MYH11: variants seen among roughly 807,000 people sequenced by gnomAD.
The protein encoded by MYH11 is myosin-11.
A neutral mutation model predicts 246.6 loss-of-function variants in MYH11; 80 were observed. That is an observed-to-expected ratio of 0.32 (90% CI 0.27 to 0.39). The LOEUF is 0.39. MYH11 is among the 10% of genes least tolerant of loss of function. The pLI is 1.00. For missense variants in MYH11, 2,158 were observed against 2,546.8 expected (o/e 0.85, Z 3.29); for synonymous variants, 1,071 against 1,015.5 (o/e 1.05, Z -1.04).
At chr16:15,716,525 T>G (rs2040155515) in intron 38 of MYH11, among the ~76,000 whole-genome samples, 1 of 148,388 alleles carries the variant, frequency 6.7e-6, no homozygotes, top group Admixed American at 6.7e-5. Context: ...GTTTTTTTTG[T>G]GTGTGTGTAT....
In MYH11 at chr16:15,717,295, A is replaced by T. The variant is rs112201211; in HGVS notation, c.5349T>A (p.Asn1783Lys). 6.2e-7 allele frequency: 1 copy of T among 1,613,102 alleles called. No homozygotes were observed. The highest frequency in any genetic ancestry group is 8.5e-7 in the Non-Finnish European group (1 of 1,180,014). ...LATERSTAQKNESARQQLERQ... is the reference protein window; with the variant it reads ...LATERSTAQKKESARQQLERQ... ...GCTCGAGCTGCTGCCGGGCACTCTC[A>T]TTCTTCTGGGCCGTGCTGCGCTCTG... The change falls in exon 38 of 41, where the codon AAT (asparagine) becomes AAA (lysine). Residue 1783 changes from asparagine (N) to lysine (K), a missense_variant. By Grantham distance (94) the Asn-to-Lys change is moderately conservative (BLOSUM62 0). Coordinates refer to ENST00000300036, the MANE Select transcript of MYH11 (RefSeq NM_002474.3).
chr16:15,767,720 A>G (rs1452750290), intron 9 of MYH11, among the ~76,000 whole-genome samples: 2 of 152,020 alleles, frequency 1.3e-5, no homozygotes, highest in Admixed American at 1.3e-4. Flanking sequence ...TGGGCCCTAC[A>G]TTTAATGTCA....
At chr16:15,758,770 G>A (rs563431801) in intron 12 of MYH11, among the ~76,000 whole-genome samples, 13 of 151,108 alleles carry the variant, frequency 8.6e-5, no homozygotes, top group South Asian at 8.4e-4. Context: ...ACTGCACTCC[G>A]GCCTGGGCAA....
intron 40 of MYH11, chr16:15,711,090 A>C (rs1233393198): frequency 6.6e-6 from 1 of 152,144 alleles, no homozygotes; most frequent in East Asian, 1.9e-4. Context: ...TCTCCTATCC[A>C]TGGGGGACCA....
At chr16:15,720,360 TC>T in intron 33 of MYH11, 48 bp from the exon 34 acceptor site, 2 of 1,586,258 alleles carry the variant, frequency 1.3e-6, no homozygotes, top group Non-Finnish European at 1.7e-6. Context: ...CCCTGGGAGG[TC>T]CTTTGGCTCA....
chr16:15,711,375 T>C (rs1446834010), intron 40 of MYH11: 1 of 152,144 alleles, frequency 6.6e-6, no homozygotes, highest in East Asian at 1.9e-4. Context: ...TGTCACTCCC[T>C]TTTTAGTGGA....
chr16:15,806,279 C>CAAAAAAAAAAA (rs71134463), intron 3 of MYH11, among the ~76,000 whole-genome samples: 2 of 61,128 alleles, frequency 3.3e-5, no homozygotes, highest in Non-Finnish European at 6.6e-5. Flanking sequence ...CACTCTGTCT[C>CAAAAAAAAAAA]AAAAAAAAAA....
In MYH11 at chr16:15,732,649, G is replaced by A. The variant is rs773443243; in HGVS notation, c.3566C>T (p.Ser1189Phe). ...CATCTCCTGGACCTGAGCCTCATGG[G>A]ACCGCGTCTCTTCATCCAGGGCCTT... ...LKKALDEETR[S>F]HEAQVQEMRQ... Residue 1189 changes from serine to phenylalanine, a missense_variant, in exon 27 of 41, where the codon TCC becomes TTC. Physicochemically the swap from Ser to Phe is radical, Grantham distance 155. Transcript: ENST00000300036. The A allele has an allele frequency of 1.2e-6, 2 of 1,614,098 alleles. No individual in the cohort carries two copies. The highest frequency in any genetic ancestry group is 1.7e-6 in the Non-Finnish European group (2 of 1,180,052).
In MYH11 at chr16:15,853,407, C is replaced by A. The variant is rs375936347; in HGVS notation, c.-18+3534G>T. On this transcript the variant is annotated intron_variant, in intron 1 of 40. Transcript: ENST00000300036. ...CTTCAAGCCATCCCCCCACCTCAGC[C>A]TCCCAAATTGCTGGGATTACAGGTA... Among the ~76,000 whole-genome samples the A allele has an allele frequency of 5.4e-4, 82 of 152,266 alleles. 1 individual carries two copies. Among genetic ancestry groups the A allele is most frequent in the African/African-American group, 1.9e-3 (79 of 41,558 alleles).
chr16:15,817,451 C>T (rs2043289119), intron 3 of MYH11, among the ~76,000 whole-genome samples: 1 of 152,074 alleles, frequency 6.6e-6, no homozygotes, highest in Admixed American at 6.6e-5. Flanking sequence ...GAAATCATAC[C>T]ACTGAGCTGA....
rs553269333 is a variant in MYH11 at position 15,829,657 on chromosome 16, G to T, written c.346-6246C>A. ...GCATCTCATGGGCCCTGTGCCACCAGCAAGTCCCAGCTGCAGGCCCAGGAT... is the reference window on the plus strand; with the variant it reads ...GCATCTCATGGGCCCTGTGCCACCATCAAGTCCCAGCTGCAGGCCCAGGAT... On this transcript the variant is annotated intron_variant, in intron 2 of 40. Transcript: ENST00000300036. Among the ~76,000 whole-genome samples the T allele has an allele frequency of 4.5e-4, 69 of 152,320 alleles. 1 individual carries two copies. Among genetic ancestry groups the T allele is most frequent in the African/African-American group, 1.5e-3 (63 of 41,574 alleles).
intron 34 of MYH11, 32 bp from the exon 35 acceptor site, chr16:15,719,745 A>G: frequency 6.2e-7 from 1 of 1,613,726 alleles, no homozygotes. Context: ...ACAAGCTCAG[A>G]TGTCCTTACT....
chr16:15,849,079 T>C (rs574123344), intron 1 of MYH11, among the ~76,000 whole-genome samples: 5 of 152,346 alleles, frequency 3.3e-5, no homozygotes, highest in Admixed American at 2.0e-4. Context: ...ATGTTTTTGG[T>C]TGGGGGAAGG....
chr16:15,779,036 T>G (rs894304286), intron 6 of MYH11, 193 bp from the exon 7 acceptor site: 2 of 677,262 alleles, frequency 3.0e-6, no homozygotes, highest in Non-Finnish European at 5.4e-6. Context: ...ACCCCAGGCC[T>G]GACAGCAACA....
At chr16:15,706,521 A>G (rs1483659584) in intron 40 of MYH11, among the ~76,000 whole-genome samples, 2 of 152,152 alleles carry the variant, frequency 1.3e-5, no homozygotes, top group African/African-American at 4.8e-5. Flanking sequence ...CATCCTGGCC[A>G]ATATGGTGAA....
At chr16:15,740,325 G>T in intron 22 of MYH11, 137 bp from the exon 23 acceptor site, 1 of 1,380,518 alleles carries the variant, frequency 7.2e-7, no homozygotes. Context: ...AAGAAATAAA[G>T]GCCTGAGCGT....
At chr16:15,823,116 C>T in intron 3 of MYH11, 139 bp downstream of exon 3, 1 of 1,257,432 alleles carries the variant, frequency 8.0e-7, no homozygotes, top group Non-Finnish European at 1.1e-6. Flanking sequence ...GTTCCTTTTG[C>T]TTTTTCCCTT....
At chr16:15,763,732 A>G in intron 10 of MYH11, 64 bp downstream of exon 10, 1 of 1,008,844 alleles carries the variant, frequency 9.9e-7, no homozygotes, top group Non-Finnish European at 1.6e-6. Flanking sequence ...CCAGTGGTTA[A>G]ATGTCACCTC....
At position 15,737,515 on chromosome 16, in the gene MYH11, G is replaced by A. The variant is rs371205331; in HGVS notation, c.3227C>T (p.Ala1076Val). The A allele has an allele frequency of 1.6e-5, 26 of 1,613,822 alleles. No individual in the cohort carries two copies. Among genetic ancestry groups the A allele is most frequent in the African/African-American group, 8.0e-5 (6 of 74,906 alleles). ...DFHEQIADLQ[A>V]QIAELKMQLA... ...CTGCATCTTGAGCTCTGCGATCTGC[G>A]CCTGGAGGTCAGCGATCTGCTCGTG... Residue 1076 changes from alanine to valine, a missense_variant, in exon 25 of 41, where the codon GCG (alanine) becomes GTG (valine). Coordinates refer to ENST00000300036, the MANE Select transcript of MYH11 (RefSeq NM_002474.3).
Sources: allele counts gnomAD v4.1 joint callset (sites outside exome capture counted in the v4.1 genomes callset), GRCh38; gene constraint gnomAD v4.1.1; transcripts MANE v1.5; gene names NCBI Gene and HGNC (gene_info 2026-07-23, HGNC 2026-07-21).